Variants in ADAMDEC1 observed in about 807,000 individuals in gnomAD.
ADAMDEC1 encodes ADAM DEC1.
Under a neutral mutation model 60.4 loss-of-function variants are expected in ADAMDEC1, and 62 were observed. That is an observed-to-expected ratio of 1.03 (90% CI 0.84 to 1.27). The LOEUF (loss-of-function observed/expected upper bound fraction) is 1.27, where lower values mean the gene tolerates loss of function less well. ADAMDEC1 is among the 50% of genes most tolerant of loss of function. The pLI is 0.00. For synonymous variants in ADAMDEC1, 210 were observed against 195.1 expected, an observed-to-expected ratio of 1.08 and a Z score of -0.64; for missense variants, 595 against 565.0, an observed-to-expected ratio of 1.05 and a Z score of -0.54.
chr8:24,395,827 C>G, intron 5 of ADAMDEC1, 31 bp downstream of exon 5: 1 of 1,549,490 alleles, frequency 6.5e-7, no homozygotes, highest in Non-Finnish European at 8.9e-7. Flanking sequence ...TACTCAAGAT[C>G]AAGAAGCTTT....
At position 24,397,712 on chromosome 8, in the gene ADAMDEC1, C is replaced by T. The variant is rs1817652155; in HGVS notation, c.657C>T (p.Tyr219=). The T allele has an allele frequency of 6.2e-6, 10 of 1,613,558 alleles. No individual in the cohort carries two copies. The East Asian group carries it at 2.2e-4, about 36-fold the overall frequency. The change falls in exon 7 of 14, where the codon TAC becomes TAT. Residue 219 remains tyrosine, a synonymous_variant. Transcript: ENST00000256412. ...EKEDFLRAQK[Y]IDLYLVLDNA... Reference sequence around the variant, plus strand: ...AAGACTTTCTTCGGGCACAGAAATACATTGATCTCTATTTGGTGCTGGATA... The same window carrying T: ...AAGACTTTCTTCGGGCACAGAAATATATTGATCTCTATTTGGTGCTGGATA...
chr8:24,386,263 T>C (rs910078623), intron 1 of ADAMDEC1, among the ~76,000 whole-genome samples: 2 of 152,200 alleles, frequency 1.3e-5, no homozygotes, highest in African/African-American at 4.8e-5. Flanking sequence ...TTCTTATGTT[T>C]ACCCATACAC....
rs2032713295 is a variant in ADAMDEC1 at position 24,405,446 on chromosome 8, T to A, written c.*148T>A. The A allele has an allele frequency of 2.5e-6, 2 of 788,160 alleles. No homozygotes were observed. Among genetic ancestry groups the A allele is most frequent in the South Asian group, 2.0e-5 (1 of 50,246 alleles). The allele number at this position is 788,160 out of a possible 1,614,324, so 48.8% of individuals were successfully genotyped here. Reference sequence around the variant, plus strand: ...TATTGTTATCAGTCCAGGAAACAGGTAAACAGATGTAATTAGAGACATTGG... The same window carrying A: ...TATTGTTATCAGTCCAGGAAACAGGAAAACAGATGTAATTAGAGACATTGG... On this transcript the variant is annotated 3_prime_UTR_variant, in exon 14 of 14. Coordinates refer to ENST00000256412, the MANE Select transcript of ADAMDEC1 (RefSeq NM_014479.3).
At chr8:24,394,366 C>T (rs896384585) in intron 4 of ADAMDEC1, among the ~76,000 whole-genome samples, 3 of 152,124 alleles carry the variant, frequency 2.0e-5, no homozygotes, top group African/African-American at 7.2e-5. Flanking sequence ...AACATAGGAG[C>T]AGCAGAAAGC....
At chr8:24,400,391 T>C (rs1817732100) in intron 11 of ADAMDEC1, 91 bp downstream of exon 11, 3 of 1,307,710 alleles carry the variant, frequency 2.3e-6, no homozygotes, top group Admixed American at 2.7e-5. Flanking sequence ...TTTAATTAAA[T>C]ATTAGATCTT....
At position 24,398,944 on chromosome 8, in the gene ADAMDEC1, A is replaced by G. The variant is rs765908236; in HGVS notation, c.833A>G (p.Lys278Arg). ...MEIWSDGDKIKVVPSASTTFD... is the reference protein window; with the variant it reads ...MEIWSDGDKIRVVPSASTTFD... The stretch of plus-strand genomic sequence containing the variant: ...ATCTGGTCTGATGGGGATAAGATAA[A>G]GGTGGTGCCCAGCGCAAGCACCACG... Residue 278 changes from lysine to arginine, a missense_variant, in exon 9 of 14, where the codon AAG becomes AGG. Coordinates refer to ENST00000256412, the MANE Select transcript of ADAMDEC1 (RefSeq NM_014479.3). The G allele has an allele frequency of 1.2e-6, 2 of 1,613,900 alleles. No individual in the cohort carries two copies. Among genetic ancestry groups the G allele is most frequent in the East Asian group, 4.5e-5 (2 of 44,810 alleles).
chr8:24,402,324 C>T (rs977032313), intron 12 of ADAMDEC1, among the ~76,000 whole-genome samples: 3 of 152,106 alleles, frequency 2.0e-5, no homozygotes, highest in African/African-American at 7.2e-5. Flanking sequence ...AAATTGTTAA[C>T]TATAACATGT....
intron 2 of ADAMDEC1, among the ~76,000 whole-genome samples, chr8:24,392,703 C>T (rs1817477948): frequency 6.6e-6 from 1 of 152,058 alleles, no homozygotes. Flanking sequence ...CCTCACCACC[C>T]CTTTTCTCCA....
At chr8:24,384,620 A>G in intron 1 of ADAMDEC1, 28 bp downstream of exon 1, 1 of 1,570,716 alleles carries the variant, frequency 6.4e-7, no homozygotes, top group Non-Finnish European at 8.6e-7. Flanking sequence ...AGCATTTTAC[A>G]TAAAAGTCAA....
In ADAMDEC1 at chr8:24,404,059, T is replaced by C. The variant is rs1394565034; in HGVS notation, c.1377T>C (p.Asp459=). ...CGTGTAAACTGAAGCCTGGAACTGA[T>C]TGCGGAGGAGATGCTCCAAACCATA... ...ALTCKLKPGT[D]CGGDAPNHTT... is the part of the protein sequence containing the mutation. The change falls in exon 13 of 14, where the codon GAT becomes GAC. Residue 459 remains aspartate (D), a synonymous_variant. Coordinates refer to ENST00000256412, the MANE Select transcript of ADAMDEC1 (RefSeq NM_014479.3). 5.0e-6 allele frequency: 8 copies of C among 1,613,718 alleles called. No homozygotes were observed. The highest frequency in any genetic ancestry group is 4.2e-6 in the Non-Finnish European group (5 of 1,179,766).
At position 24,404,085 on chromosome 8, in the gene ADAMDEC1, C is replaced by G. The variant is rs748382936; in HGVS notation, c.1403C>G (p.Thr468Ser). 2.5e-6 allele frequency: 4 copies of G among 1,612,130 alleles called. No homozygotes were observed. In the African/African-American group the frequency reaches 4.0e-5, roughly 16 times the overall value. ...TDCGGDAPNHTTE is the reference protein window; with the variant it reads ...TDCGGDAPNHSTE The stretch of plus-strand genomic sequence containing the variant: ...TGCGGAGGAGATGCTCCAAACCATA[C>G]CACGTAAGACCTTTTGTTTTCTTTG... The change falls in exon 13 of 14, where the codon ACC becomes AGC. Residue 468 changes from threonine to serine, a missense_variant. Transcript: ENST00000256412.
At chr8:24,387,682 C>T (rs1817329107) in intron 1 of ADAMDEC1, 1 of 152,170 alleles carries the variant, frequency 6.6e-6, no homozygotes. Flanking sequence ...TAACTGTTGT[C>T]CCATGACAAA....
Position 24,399,484 on chromosome 8 carries a change from T to G in ADAMDEC1, c.1011+10T>G, listed in dbSNP as rs768222779. On this transcript the variant is annotated intron_variant, in intron 10 of 13. Coordinates refer to ENST00000256412, the MANE Select transcript of ADAMDEC1 (RefSeq NM_014479.3). The stretch of plus-strand genomic sequence containing the variant: ...GGTTGCTGTTATTGAGGTTTGTAAA[T>G]TTGTAGTAAGGCTCTCTGTGGTTCT... The G allele has an allele frequency of 6.2e-6, 10 of 1,608,810 alleles. No individual in the cohort carries two copies. The highest frequency in any genetic ancestry group is 1.7e-4 in the Middle Eastern group (1 of 6,046).
chr8:24,390,454 G>A (rs1250952121), intron 1 of ADAMDEC1, among the ~76,000 whole-genome samples: 1 of 152,170 alleles, frequency 6.6e-6, no homozygotes, highest in Non-Finnish European at 1.5e-5. Flanking sequence ...TGGGCACAAT[G>A]GCTCATGCCT....
At chr8:24,390,823 C>A (rs770509132) in intron 1 of ADAMDEC1, among the ~76,000 whole-genome samples, 2 of 151,816 alleles carry the variant, frequency 1.3e-5, no homozygotes, top group Non-Finnish European at 2.9e-5. Flanking sequence ...ATATATCTTG[C>A]GAAGGTTTTT....
Position 24,397,879 on chromosome 8 carries a change from T to C in ADAMDEC1, c.690+134T>C. 10 of 745,842 alleles carry C rather than the reference T, an allele frequency of 1.3e-5. 1 individual carries two copies. The South Asian group carries it at 1.9e-4, about 14-fold the overall frequency. 46.2% of individuals were successfully genotyped at this position (745,842 alleles called of 1,614,324 possible). A position where few individuals can be genotyped will look rare whatever the true frequency, so the allele number is the denominator to read the frequency against. On this transcript the variant is annotated intron_variant, in intron 7 of 13. Transcript: ENST00000256412. ...CACCTGGGTGTCTTGGCTGTTTACA[T>C]GCCTTGCCAGCAATAGTTATCTCCT... is the stretch of plus-strand genomic sequence containing the variant.
chr8:24,385,034 G>A (rs1252504203), intron 1 of ADAMDEC1, among the ~76,000 whole-genome samples: 55 of 152,118 alleles, frequency 3.6e-4, no homozygotes, highest in Admixed American at 3.5e-3. Context: ...AAAGCAGAAT[G>A]ACAGGGTCAA....
chr8:24,397,296 G>T lies in ADAMDEC1; in HGVS notation c.467G>T (p.Arg156Ile). ...GGATACTTCACACATCATCACCAAA[G>T]ATACCAGATAAAACCTCTGAAAAGC... ...LRGYFTHHHQ[R>I]YQIKPLKSTD... Residue 156 changes from arginine (R) to isoleucine (I), a missense_variant, in exon 6 of 14, where the codon AGA becomes ATA. Physicochemically the swap from Arg to Ile is moderately conservative, Grantham distance 97. Coordinates refer to ENST00000256412, the MANE Select transcript of ADAMDEC1 (RefSeq NM_014479.3). 6.2e-7 allele frequency: 1 copy of T among 1,613,634 alleles called. No individual in the cohort carries two copies. The highest frequency in any genetic ancestry group is 1.1e-5 in the South Asian group (1 of 91,052).
At chr8:24,395,153 C>T (rs1375068318) in intron 4 of ADAMDEC1, among the ~76,000 whole-genome samples, 2 of 152,204 alleles carry the variant, frequency 1.3e-5, no homozygotes, top group Non-Finnish European at 2.9e-5. Context: ...TAAAGGGATT[C>T]CACTAACAGA....
Sources: allele counts gnomAD v4.1 joint callset (sites outside exome capture counted in the v4.1 genomes callset), GRCh38; gene constraint gnomAD v4.1.1; transcripts MANE v1.5; gene names NCBI Gene and HGNC (gene_info 2026-07-23, HGNC 2026-07-21).